Variants in DISC1 observed in about 807,000 individuals in gnomAD.
The protein encoded by DISC1 is disrupted in schizophrenia 1 protein.
A neutral mutation model predicts 84.5 loss-of-function variants in DISC1; 57 were observed. The ratio of observed to expected loss-of-function variants is 0.67; its 90% CI spans 0.55 to 0.84. The LOEUF (loss-of-function observed/expected upper bound fraction) is 0.84, where lower values mean the gene tolerates loss of function less well. Ranked by LOEUF, DISC1 falls within the 40% of genes least tolerant of loss-of-function variation. The probability of loss-of-function intolerance (pLI) is 0.00; values close to 1 mark genes in which losing one functional copy is unlikely to be tolerated. For synonymous variants in DISC1, 411 were observed against 415.2 expected (o/e 0.99, Z 0.12); for missense variants, 1,000 against 1,057.8 (o/e 0.95, Z 0.76).
At chr1:231,685,943 G>A (rs773316626) in intron 1 of DISC1, among the ~76,000 whole-genome samples, 1 of 152,150 alleles carries the variant, frequency 6.6e-6, no homozygotes, top group African/African-American at 2.4e-5. Context: ...GGGTTACAGG[G>A]CCCATGCAAG....
At chr1:231,747,861 C>G (rs187051139) in intron 3 of DISC1, among the ~76,000 whole-genome samples, 90 of 152,144 alleles carry the variant, frequency 5.9e-4, no homozygotes, top group Non-Finnish European at 1.6e-4. Context: ...TCTTACAATC[C>G]ATCAGTATGG....
intron 3 of DISC1, chr1:231,722,579 A>G: frequency 1.2e-6 from 2 of 1,614,212 alleles, no homozygotes; most frequent in Non-Finnish European, 1.7e-6. Flanking sequence ...AAGCCTCGAC[A>G]TCCTGAACCA....
At position 231,782,869 on chromosome 1, in the gene DISC1, G is replaced by A. The variant is rs113183611; in HGVS notation, c.1634+11799G>A. 4.4e-3 allele frequency among the ~76,000 whole-genome samples: 675 copies of A among 152,246 alleles called. 2 individuals are homozygous for A. The highest frequency in any genetic ancestry group is 0.016 in the African/African-American group (646 of 41,542). ...AGGTGGGAGAGTCACTTGAACATGG[G>A]AGGTGGAGGTTGCAGTGAGTGGAGA... On this transcript the variant is annotated intron_variant, in intron 6 of 12. Coordinates refer to ENST00000439617, the MANE Select transcript of DISC1 (RefSeq NM_018662.3).
chr1:231,901,788 T>G (rs2088200953), intron 9 of DISC1, among the ~76,000 whole-genome samples: 1 of 152,224 alleles, frequency 6.6e-6, no homozygotes, highest in African/African-American at 2.4e-5. Context: ...ATAGGTTATC[T>G]CCTGTTTATT....
At chr1:231,925,054 T>C (rs1009354125) in intron 9 of DISC1, among the ~76,000 whole-genome samples, 4 of 151,510 alleles carry the variant, frequency 2.6e-5, no homozygotes, top group Non-Finnish European at 5.9e-5. Flanking sequence ...GCACTGGGTG[T>C]GGCAAGGTGA....
chr1:231,986,382 T>C (rs1436946144), intron 10 of DISC1, among the ~76,000 whole-genome samples: 2 of 151,374 alleles, frequency 1.3e-5, no homozygotes, highest in Admixed American at 1.3e-4. Flanking sequence ...GTCAGAGAAA[T>C]TGCACTCTTA....
chr1:231,769,582 T>C (rs1306705286), intron 5 of DISC1, among the ~76,000 whole-genome samples: 4 of 152,178 alleles, frequency 2.6e-5, no homozygotes, highest in African/African-American at 7.2e-5. Context: ...GAAAGTAGAA[T>C]GGTGATTCCC....
intron 9 of DISC1, among the ~76,000 whole-genome samples, chr1:231,821,706 T>C (rs2081506667): frequency 1.4e-5 from 2 of 145,186 alleles, no homozygotes; most frequent in South Asian, 4.4e-4. Flanking sequence ...TACAGTTTGC[T>C]ACATCTGCTT....
At chr1:231,729,310 A>G (rs541214513) in intron 3 of DISC1, among the ~76,000 whole-genome samples, 147 of 152,328 alleles carry the variant, frequency 9.7e-4, no homozygotes, top group African/African-American at 3.2e-3. Flanking sequence ...ATACGTGTGC[A>G]TATGTCTTTA....
chr1:232,015,064 G>A (rs1199405096), intron 11 of DISC1, among the ~76,000 whole-genome samples: 1 of 152,114 alleles, frequency 6.6e-6, no homozygotes, highest in Non-Finnish European at 1.5e-5. Flanking sequence ...GAATTTGAGA[G>A]AGAAAGCAGA....
intron 10 of DISC1, among the ~76,000 whole-genome samples, chr1:231,962,976 C>T (rs909777286): frequency 6.6e-6 from 1 of 152,168 alleles, no homozygotes; most frequent in African/African-American, 2.4e-5. Context: ...ATTGTGGGCC[C>T]CTCTTCTGAT....
In DISC1 at chr1:231,979,257, T is replaced by A. The variant is rs180984301; in HGVS notation, c.2042+20369T>A. Among the ~76,000 whole-genome samples the A allele has an allele frequency of 2.5e-3, 387 of 152,040 alleles. 2 individuals are homozygous for A. The highest frequency in any genetic ancestry group is 2.8e-3 in the Non-Finnish European group (192 of 67,992). ...TGTATAATTGTTTTATTAAATATTA[T>A]AATATAATAGAAATAAAATGCACAA... On this transcript the variant is annotated intron_variant, in intron 10 of 12. Coordinates refer to ENST00000439617, the MANE Select transcript of DISC1 (RefSeq NM_018662.3).
chr1:231,836,638 G>T (rs1282240562), intron 9 of DISC1, among the ~76,000 whole-genome samples: 1 of 152,092 alleles, frequency 6.6e-6, no homozygotes, highest in African/African-American at 2.4e-5. Flanking sequence ...TCTTCCCACG[G>T]CTTTTGGCTG....
At chr1:231,779,461 C>T (rs1337184660) in intron 6 of DISC1, among the ~76,000 whole-genome samples, 1 of 150,232 alleles carries the variant, frequency 6.7e-6, no homozygotes, top group Admixed American at 6.6e-5. Flanking sequence ...TATGCTTATT[C>T]AGTATGCATG....
Position 231,927,778 on chromosome 1 carries a change from G to C in DISC1, c.1982-31050G>C, listed in dbSNP as rs545937166. On this transcript the variant is annotated intron_variant, in intron 9 of 12. Coordinates refer to ENST00000439617, the MANE Select transcript of DISC1 (RefSeq NM_018662.3). ...CAAAGGAGATAGGCAAGGAGCCCAC[G>C]AACTAGTTTCCAAATGCTGGACCCC... Among the ~76,000 whole-genome samples the C allele has an allele frequency of 7.2e-5, 11 of 152,318 alleles. No homozygotes were observed. In the Middle Eastern group the frequency reaches 0.01, roughly 141 times the overall value.
intron 9 of DISC1, among the ~76,000 whole-genome samples, chr1:231,844,955 AAAG>A (rs1422024002): frequency 1.3e-5 from 2 of 151,942 alleles, no homozygotes; most frequent in Non-Finnish European, 2.9e-5. Context: ...AAAAAAAGAA[AAAG>A]AAGAGTTATT....
At chr1:231,640,824 C>A (rs1478204086) in intron 1 of DISC1, among the ~76,000 whole-genome samples, 4 of 152,188 alleles carry the variant, frequency 2.6e-5, no homozygotes, top group Non-Finnish European at 5.9e-5. Flanking sequence ...GCATGAGCCA[C>A]CACGCTGTGC....
intron 9 of DISC1, among the ~76,000 whole-genome samples, chr1:231,875,607 C>G (rs1265846046): frequency 6.6e-6 from 1 of 152,080 alleles, no homozygotes; most frequent in African/African-American, 2.4e-5. Flanking sequence ...TATAAATTTC[C>G]CTCTAACACA....
At chr1:231,656,380 C>T (rs975683746) in intron 1 of DISC1, among the ~76,000 whole-genome samples, 12 of 152,006 alleles carry the variant, frequency 7.9e-5, no homozygotes, top group Non-Finnish European at 1.0e-4. Flanking sequence ...GCTTTGTTGA[C>T]GATCAGTTGG....
Sources: gnomAD v4.1 joint callset for allele counts (sites outside exome capture counted in the v4.1 genomes callset) on GRCh38, gnomAD v4.1.1 for gene constraint, MANE v1.5 for transcripts, NCBI Gene and HGNC (gene_info 2026-07-23, HGNC 2026-07-21) for gene names.